Variants in TBL1X observed in about 807,000 individuals in gnomAD.
The protein encoded by TBL1X is transducin beta like 1 X-linked.
Under a neutral mutation model 50.7 loss-of-function variants are expected in TBL1X, and 10 were observed. The observed-to-expected ratio is 0.20, with a 90% confidence interval of 0.12 to 0.33. The LOEUF is 0.33. Among genes scored for constraint, TBL1X ranks in the 10% least tolerant of loss-of-function variants. TBL1X has a pLI of 1.00. For synonymous variants in TBL1X, 190 were observed against 214.7 expected (o/e 0.88, Z 1.01); for missense variants, 340 against 504.4 (o/e 0.67, Z 3.12).
intron 3 of TBL1X, chrX:9,645,473 T>A (rs1280425444): frequency 8.9e-6 from 1 of 112,225 alleles, no homozygotes; most frequent in East Asian, 2.8e-4. Context: ...CACAGTCCCC[T>A]GTCATGGACA....
intron 2 of TBL1X, among the ~76,000 whole-genome samples, chrX:9,601,404 T>C (rs1781869156): frequency 9.0e-6 from 1 of 111,241 alleles, no homozygotes; most frequent in Admixed American, 9.5e-5. Flanking sequence ...CAGGGGTAGC[T>C]GTTCTGCTCT....
At chrX:9,569,081 CTG>C (rs1197361871) in intron 2 of TBL1X, among the ~76,000 whole-genome samples, 5 of 93,765 alleles carry the variant, frequency 5.3e-5, no homozygotes, top group African/African-American at 8.3e-5. Context: ...GTCTGGTGTG[CTG>C]TGTGTGTGTC....
At chrX:9,497,627 CT>C (rs1460507971) in intron 1 of TBL1X, among the ~76,000 whole-genome samples, 2 of 109,718 alleles carry the variant, frequency 1.8e-5, no homozygotes, top group Admixed American at 2.0e-4. Flanking sequence ...GCATTTCAAA[CT>C]TTCTCTTCAT....
At chrX:9,586,760 C>T (rs1294107460) in intron 2 of TBL1X, among the ~76,000 whole-genome samples, 2 of 111,140 alleles carry the variant, frequency 1.8e-5, no homozygotes, top group Non-Finnish European at 3.8e-5. Context: ...ATTAGCCAGG[C>T]ATGGTACTGC....
intron 2 of TBL1X, among the ~76,000 whole-genome samples, chrX:9,504,058 A>C (rs189970390): frequency 1.1e-3 from 127 of 111,637 alleles, no homozygotes; most frequent in African/African-American, 3.9e-3. Context: ...GTGCCCCTTG[A>C]GGTCAGAGGT....
At chrX:9,659,648 C>T (rs1024594290) in intron 5 of TBL1X, among the ~76,000 whole-genome samples, 2 of 111,711 alleles carry the variant, frequency 1.8e-5, no homozygotes, top group African/African-American at 6.5e-5. Context: ...GTTGCTGGGT[C>T]GTGTGACAAG....
At chrX:9,649,717 T>G in intron 3 of TBL1X, among the ~76,000 whole-genome samples, 1 of 111,886 alleles carries the variant, frequency 8.9e-6, no homozygotes, top group South Asian at 3.8e-4. Context: ...CAGATGCTCC[T>G]GGGGTGGGGA....
At chrX:9,704,868 GC>G (rs1363051937) in intron 12 of TBL1X, 124 bp from the exon 13 acceptor site, 10 of 1,061,450 alleles carry the variant, frequency 9.4e-6, no homozygotes, top group Non-Finnish European at 1.3e-5. Context: ...GACAGAGCAG[GC>G]CCTGTCTCTA....
chrX:9,569,905 G>A (rs889667610), intron 2 of TBL1X, among the ~76,000 whole-genome samples: 11 of 112,153 alleles, frequency 9.8e-5, no homozygotes, highest in African/African-American at 3.6e-4. Flanking sequence ...CAGCCTGGGC[G>A]TGAAGGATTT....
At chrX:9,651,011 CTTTTTTTTTTTTTTTTTTT>C (rs572743375) in intron 3 of TBL1X, among the ~76,000 whole-genome samples, 110 of 30,934 alleles carry the variant, frequency 3.6e-3, no homozygotes, top group African/African-American at 0.014. Flanking sequence ...AGCTGCCAGC[CTTTTTTTTTTTTTTTTTTT>C]TTTTTTTTTT....
intron 1 of TBL1X, among the ~76,000 whole-genome samples, chrX:9,486,137 A>G (rs941680506): frequency 1.8e-5 from 2 of 110,570 alleles, no homozygotes; most frequent in Non-Finnish European, 3.8e-5. Flanking sequence ...GTTACAATCT[A>G]TTTTCTCTGA....
At chrX:9,476,323 A>G (rs1421897584) in intron 1 of TBL1X, among the ~76,000 whole-genome samples, 2 of 112,159 alleles carry the variant, frequency 1.8e-5, no homozygotes, top group Admixed American at 9.5e-5. Flanking sequence ...AGATGGCACA[A>G]TATATTTTGC....
intron 2 of TBL1X, among the ~76,000 whole-genome samples, chrX:9,538,799 C>T (rs1262982182): frequency 1.8e-5 from 2 of 112,848 alleles, no homozygotes; most frequent in East Asian, 5.6e-4. Flanking sequence ...GCATGCTTCG[C>T]CTTTGGTAGG....
chrX:9,677,271 T>C (rs1387635706), intron 5 of TBL1X, among the ~76,000 whole-genome samples: 1 of 111,476 alleles, frequency 9.0e-6, no homozygotes, highest in East Asian at 2.8e-4. Context: ...GACTCCGCTA[T>C]GAATAAGGAG....
At chrX:9,603,857 G>A (rs1430178886) in intron 2 of TBL1X, among the ~76,000 whole-genome samples, 1 of 110,823 alleles carries the variant, frequency 9.0e-6, no homozygotes, top group Non-Finnish European at 1.9e-5. Flanking sequence ...TGTTGCTGGC[G>A]GTCCTTGGCT....
chrX:9,521,433 A>G (rs1030041657), intron 2 of TBL1X, among the ~76,000 whole-genome samples: 7 of 111,717 alleles, frequency 6.3e-5, no homozygotes, highest in Non-Finnish European at 1.3e-4. Flanking sequence ...GCTGCTGGCC[A>G]GGGCTGACCT....
chrX:9,479,938 A>ATGTGTG (rs112927270), intron 1 of TBL1X, among the ~76,000 whole-genome samples: 1,146 of 94,979 alleles, frequency 0.012, 11 homozygotes, highest in Non-Finnish European at 0.018. Flanking sequence ...GGAAAGTAGA[A>ATGTGTG]TGTGTGTGTG....
intron 2 of TBL1X, among the ~76,000 whole-genome samples, chrX:9,564,050 C>T (rs2147001903): frequency 8.9e-6 from 1 of 112,629 alleles, no homozygotes; most frequent in Non-Finnish European, 1.9e-5. Context: ...ACAGACTGAA[C>T]ATAGACTTCT....
intron 3 of TBL1X, among the ~76,000 whole-genome samples, chrX:9,647,814 C>T (rs1045578010): frequency 2.7e-5 from 3 of 111,115 alleles, no homozygotes; most frequent in Non-Finnish European, 3.8e-5. Flanking sequence ...GACGAGGAGT[C>T]GAGCCCTGAG....
Sources: allele counts gnomAD v4.1 joint callset (sites outside exome capture counted in the v4.1 genomes callset), GRCh38; gene constraint gnomAD v4.1.1; transcripts MANE v1.5; gene names NCBI Gene and HGNC (gene_info 2026-07-23, HGNC 2026-07-21).